The following AP3B2 variants were observed in gnomAD, a reference collection of about 807,000 sequenced individuals.
AP3B2 encodes AP-3 complex subunit beta-2.
A neutral mutation model predicts 126.9 loss-of-function variants in AP3B2; 50 were observed. The observed-to-expected ratio is 0.39, with a 90% confidence interval of 0.31 to 0.50. The LOEUF (loss-of-function observed/expected upper bound fraction) is 0.50, where lower values mean the gene tolerates loss of function less well. Ranked by LOEUF, AP3B2 falls within the 20% of genes least tolerant of loss-of-function variation. AP3B2 has a pLI of 0.79. For synonymous variants in AP3B2, 541 were observed against 565.0 expected (o/e 0.96, Z 0.60); for missense variants, 1,177 against 1,426.4 (o/e 0.83, Z 2.82).
Position 82,664,031 on chromosome 15 carries a change from C to G in AP3B2, c.2262-56G>C. 6.4e-7 allele frequency: 1 copy of G among 1,552,162 alleles called. No homozygotes were observed. Among genetic ancestry groups the G allele is most frequent in the East Asian group, 2.3e-5 (1 of 43,978 alleles). On this transcript the variant is annotated intron_variant, in intron 19 of 26. Transcript: ENST00000535359. This position sits in a 1 kb window ranked among gnomAD's most constrained non-coding sequence, Gnocchi z 4.5. ...TGGCCTGGACACTCCCTCCTTGCTT[C>G]ACAGAAGCAGGAGAAATGCTGAAAA...
chr15:82,689,054 C>A, intron 3 of AP3B2, 104 bp downstream of exon 3: 1 of 1,307,666 alleles, frequency 7.6e-7, no homozygotes, highest in Non-Finnish European at 1.1e-6. Flanking sequence ...CATTTCTCAG[C>A]AGGTCGGGCC....
chr15:82,670,052 G>A (rs1352824937), intron 14 of AP3B2, among the ~76,000 whole-genome samples: 12 of 51,808 alleles, frequency 2.3e-4, no homozygotes, highest in Non-Finnish European at 2.9e-4. Flanking sequence ...TGGGCAACAA[G>A]AGCAAAACTC....
chr15:82,662,326 C>T (rs2047965068), intron 23 of AP3B2, 74 bp from the exon 24 acceptor site: 1 of 1,148,170 alleles, frequency 8.7e-7, no homozygotes, highest in Admixed American at 2.0e-5. Context: ...CCAGCCTAGC[C>T]CTACTCTCCT....
rs948627454 is a variant in AP3B2 at position 82,680,040 on chromosome 15, T to C, written c.1110+135A>G. ...CCCTATCTGTATTTGGAGCCTCCCCTGCCCCATCCTCTGCACAGCCAGGGT... is the reference window on the plus strand; with the variant it reads ...CCCTATCTGTATTTGGAGCCTCCCCCGCCCCATCCTCTGCACAGCCAGGGT... On this transcript the variant is annotated intron_variant, in intron 9 of 26. Coordinates refer to ENST00000535359, the MANE Select transcript of AP3B2 (RefSeq NM_001278512.2). This position sits in a 1 kb window ranked among gnomAD's most constrained non-coding sequence, Gnocchi z 6.1. The C allele has an allele frequency of 2.1e-5, 27 of 1,294,154 alleles. No homozygotes were observed. The highest frequency in any genetic ancestry group is 4.0e-5 in the Admixed American group (2 of 49,460). 80.2% of individuals were successfully genotyped at this position (1,294,154 alleles called of 1,614,324 possible).
chr15:82,696,774 G>A (rs1202724637), intron 1 of AP3B2, among the ~76,000 whole-genome samples: 1 of 152,154 alleles, frequency 6.6e-6, no homozygotes, highest in Non-Finnish European at 1.5e-5. Flanking sequence ...GAACAATGTG[G>A]CTAACCATAC....
intron 14 of AP3B2, among the ~76,000 whole-genome samples, chr15:82,675,758 T>C (rs536092245): frequency 6.6e-6 from 1 of 152,320 alleles, no homozygotes; most frequent in African/African-American, 2.4e-5. Flanking sequence ...ATTCAGCCTA[T>C]GGGCAGTAGT....
In AP3B2 at chr15:82,676,643, G is replaced by T; in HGVS notation, c.1489-6C>A. The T allele has an allele frequency of 6.2e-7, 1 of 1,613,458 alleles. No homozygotes were observed. Among genetic ancestry groups the T allele is most frequent in the Non-Finnish European group, 8.5e-7 (1 of 1,179,688 alleles). On this transcript the variant is annotated splice_polypyrimidine_tract_variant and splice_region_variant and intron_variant, in intron 13 of 26. Coordinates refer to ENST00000535359, the MANE Select transcript of AP3B2 (RefSeq NM_001278512.2). The stretch of plus-strand genomic sequence containing the variant: ...CTGGCTCGGGCCATGGGCACCTGTG[G>T]TTGTGGGAGAGGAGTGAAGATGGGT...
intron 1 of AP3B2, among the ~76,000 whole-genome samples, chr15:82,707,755 T>C (rs1393142316): frequency 1.3e-5 from 2 of 152,170 alleles, no homozygotes; most frequent in African/African-American, 4.8e-5. Context: ...TTTCAATTCA[T>C]ACAAAACCGT....
At chr15:82,700,410 T>TTTTTTTTTTTTTTTTTTTA (rs2048701227) in intron 1 of AP3B2, among the ~76,000 whole-genome samples, 1 of 123,994 alleles carries the variant, frequency 8.1e-6, no homozygotes, top group Non-Finnish European at 1.7e-5. Context: ...TTTTTTTTTT[T>TTTTTTTTTTTTTTTTTTTA]TTTTTCAGAT....
At chr15:82,693,460 T>C (rs1193089781) in intron 1 of AP3B2, among the ~76,000 whole-genome samples, 4 of 151,828 alleles carry the variant, frequency 2.6e-5, no homozygotes, top group Non-Finnish European at 5.9e-5. Context: ...TTGGTCAGGC[T>C]GGTCTCAAAC....
At chr15:82,693,493 C>T (rs1479121122) in intron 1 of AP3B2, among the ~76,000 whole-genome samples, 12 of 151,680 alleles carry the variant, frequency 7.9e-5, no homozygotes, top group Admixed American at 5.9e-4. Context: ...GTGATCTTCC[C>T]GCCTCATCCT....
At chr15:82,689,777 T>A (rs2048493069) in intron 1 of AP3B2, 1 of 280,952 alleles carries the variant, frequency 3.6e-6, no homozygotes, top group Admixed American at 4.8e-5. Context: ...ATAGAGTGGG[T>A]CTCTAATCCC....
intron 15 of AP3B2, 113 bp downstream of exon 15, chr15:82,666,634 C>T: frequency 8.3e-7 from 1 of 1,198,020 alleles, no homozygotes. Context: ...GGGAGCAGGA[C>T]TGTCCACAGA....
chr15:82,661,227 C>G (rs1009110512), intron 25 of AP3B2, among the ~76,000 whole-genome samples: 7 of 152,206 alleles, frequency 4.6e-5, no homozygotes, highest in African/African-American at 1.7e-4. Flanking sequence ...CCTCTATGTT[C>G]ATGACTCCAG....
intron 1 of AP3B2, among the ~76,000 whole-genome samples, chr15:82,708,420 CT>C (rs200502365): frequency 0.016 from 2,388 of 151,960 alleles, 68 homozygotes; most frequent in African/African-American, 0.055. Context: ...TCTTCTCCCC[CT>C]GTCCCTCTAA....
chr15:82,679,592 T>C (rs2048298395), intron 10 of AP3B2, 137 bp downstream of exon 10: 1 of 778,914 alleles, frequency 1.3e-6, no homozygotes, highest in Non-Finnish European at 2.1e-6. Flanking sequence ...AACAAACAGC[T>C]CCAGCTGGGG....
intron 1 of AP3B2, among the ~76,000 whole-genome samples, chr15:82,696,925 T>G (rs2048637025): frequency 6.6e-6 from 1 of 152,132 alleles, no homozygotes; most frequent in Admixed American, 6.5e-5. Context: ...CAAAATGTGG[T>G]GAGCAGCTGT....
chr15:82,686,359 T>C (rs950485987), intron 4 of AP3B2: 1 of 152,136 alleles, frequency 6.6e-6, no homozygotes, highest in Admixed American at 6.6e-5. Context: ...AAATGATTGG[T>C]TCCAACATGC....
At chr15:82,682,649 G>A (rs1371927022) in intron 4 of AP3B2, among the ~76,000 whole-genome samples, 3 of 151,918 alleles carry the variant, frequency 2.0e-5, no homozygotes, top group Non-Finnish European at 4.4e-5. Context: ...CCAGGGAGTT[G>A]GAGGCTGAAG....
Sources: allele counts gnomAD v4.1 joint callset (sites outside exome capture counted in the v4.1 genomes callset), GRCh38; gene constraint gnomAD v4.1.1; non-coding constraint Gnocchi (gnomAD v3.1); transcripts MANE v1.5; gene names NCBI Gene and HGNC (gene_info 2026-07-23, HGNC 2026-07-21).